Variants in SFMBT1 observed in about 807,000 individuals in gnomAD.
The protein encoded by SFMBT1 is scm-like with four MBT domains protein 1.
SFMBT1 carries 32 observed loss-of-function variants against 108.7 expected under a neutral mutation model. That is an observed-to-expected ratio of 0.29 (90% CI 0.22 to 0.40). The LOEUF (loss-of-function observed/expected upper bound fraction) is 0.40. SFMBT1 is among the 10% of genes least tolerant of loss of function. The pLI is 1.00. For missense variants in SFMBT1, 816 were observed against 1,059.6 expected, an observed-to-expected ratio of 0.77 and a Z score of 3.19; for synonymous variants, 348 against 369.5, an observed-to-expected ratio of 0.94 and a Z score of 0.67.
chr3:52,957,118 C>T (rs545682173), intron 2 of SFMBT1, among the ~76,000 whole-genome samples: 8 of 152,152 alleles, frequency 5.3e-5, no homozygotes, highest in East Asian at 3.9e-4. Flanking sequence ...AAGTAACTTC[C>T]GCAAAAATCT....
chr3:53,044,769 C>T (rs1427104434), intron 1 of SFMBT1, among the ~76,000 whole-genome samples: 1 of 152,214 alleles, frequency 6.6e-6, no homozygotes, highest in Admixed American at 6.5e-5. Flanking sequence ...GACTCAAAAA[C>T]ACCACTTGGG....
At position 52,928,257 on chromosome 3, in the gene SFMBT1, C is replaced by A. The variant is rs562352832; in HGVS notation, c.982G>T (p.Asp328Tyr). ...HARRSFVCHA[D>Y]SPGIFPVQWS... is the part of the protein sequence containing the mutation. ...TGCACAGGGAAGATGCCAGGACTGT[C>A]GGCGTGGCACACAAAGGATCGCCGT... Residue 328 changes from aspartate to tyrosine, a missense_variant, in exon 9 of 21, where the codon GAC becomes TAC. Around this residue, in one of 5 missense-constraint regions of SFMBT1, gnomAD observed 495 missense variants for 607.4 expected, o/e 0.81. Coordinates refer to ENST00000394752, the MANE Select transcript of SFMBT1 (RefSeq NM_016329.4). 2 of 1,614,102 alleles carry A rather than the reference C, an allele frequency of 1.2e-6. No homozygotes were observed. Among genetic ancestry groups the A allele is most frequent in the South Asian group, 1.1e-5 (1 of 91,072 alleles).
chr3:52,988,976 T>A (rs1306593466), intron 1 of SFMBT1, among the ~76,000 whole-genome samples: 1 of 152,152 alleles, frequency 6.6e-6, no homozygotes, highest in Non-Finnish European at 1.5e-5. Context: ...CCCACACCTT[T>A]CAATCTAACA....
intron 2 of SFMBT1, among the ~76,000 whole-genome samples, chr3:52,968,103 C>T (rs1575409217): frequency 6.6e-6 from 1 of 152,118 alleles, no homozygotes; most frequent in Non-Finnish European, 1.5e-5. Context: ...ACTGCTCCTC[C>T]ACAATAAAAA....
intron 1 of SFMBT1, among the ~76,000 whole-genome samples, chr3:53,021,607 A>C (rs535764972): frequency 6.6e-6 from 1 of 152,182 alleles, no homozygotes; most frequent in African/African-American, 2.4e-5. Context: ...CAGTGTCTCC[A>C]TAAGTCTTAT....
At chr3:52,959,811 C>T (rs1703900693) in intron 2 of SFMBT1, among the ~76,000 whole-genome samples, 1 of 152,084 alleles carries the variant, frequency 6.6e-6, no homozygotes, top group Admixed American at 6.6e-5. Flanking sequence ...ATCCAATAAT[C>T]TCACTTCACA....
chr3:53,040,968 ATTTTTTTTTTTTTTTTTTTTTT>A (rs57640588), intron 1 of SFMBT1, among the ~76,000 whole-genome samples: 2 of 46,360 alleles, frequency 4.3e-5, no homozygotes, highest in African/African-American at 8.4e-5. Flanking sequence ...AGACACCTGA[ATTTTTTTTTTTTTTTTTTTTTT>A]TTTTTTTTTT....
rs1014903478 is a variant in SFMBT1, at chr3:53,003,191, T to C, written c.-130-33933A>G. Among the ~76,000 whole-genome samples the C allele has an allele frequency of 7.4e-5, 11 of 148,604 alleles. No homozygotes were observed. The South Asian group carries it at 1.1e-3, about 14-fold the overall frequency. On this transcript the variant is annotated intron_variant, in intron 1 of 20. Coordinates refer to ENST00000394752, the MANE Select transcript of SFMBT1 (RefSeq NM_016329.4). The stretch of plus-strand genomic sequence containing the variant: ...TCCAGGAACAGGGTTATTCTTTTTA[T>C]ATTCCAATTTCAAAAGAAAAACTCT...
rs147146298 is a variant in SFMBT1 at position 52,943,570 on chromosome 3, T to C, written c.147A>G (p.Gly49=). Residue 49 remains glycine (G), a synonymous_variant, in exon 4 of 21, where the codon GGA becomes GGG. Transcript: ENST00000394752. The stretch of plus-strand genomic sequence containing the variant: ...CCTCCAGCTTCATCCCAGGAGCAAA[T>C]CCATTTTGCAAACGTGTGTCCACCT... ...FKHVDTRLQN[G]FAPGMKLEVA... The C allele has an allele frequency of 3.0e-5, 49 of 1,614,240 alleles. No homozygotes were observed. The highest frequency in any genetic ancestry group is 3.9e-5 in the Non-Finnish European group (46 of 1,180,036).
At chr3:52,906,048 G>T in intron 20 of SFMBT1, 65 bp downstream of exon 20, 1 of 1,527,896 alleles carries the variant, frequency 6.5e-7, no homozygotes, top group South Asian at 1.2e-5. Flanking sequence ...ATAAATTGTT[G>T]ACTATTACAT....
At chr3:52,946,717 A>G (rs1232310204) in intron 3 of SFMBT1, among the ~76,000 whole-genome samples, 2 of 152,188 alleles carry the variant, frequency 1.3e-5, no homozygotes, top group Admixed American at 1.3e-4. Context: ...ACTGTTTTCC[A>G]AAGAAGTTGT....
At chr3:52,969,076 TA>T in intron 2 of SFMBT1, 24 bp downstream of exon 2, 1 of 1,613,480 alleles carries the variant, frequency 6.2e-7, no homozygotes, top group African/African-American at 1.3e-5. Context: ...TCCTAGAGAA[TA>T]AATTCTGAGA....
Position 52,969,247 on chromosome 3 carries a change from C to A in SFMBT1, c.-119G>T. 6.5e-7 allele frequency: 1 copy of A among 1,530,588 alleles called. No homozygotes were observed. Among genetic ancestry groups the A allele is most frequent in the South Asian group, 1.3e-5 (1 of 79,954 alleles). 94.8% of individuals were successfully genotyped at this position (1,530,588 alleles called of 1,614,324 possible). A position where few individuals can be genotyped will look rare whatever the true frequency, so the allele number is the denominator to read the frequency against. Reference sequence around the variant, plus strand: ...TCTGTTCAATGGGTATCCACGGGTCCAAATGAAAGTGCTGAAAAATGAAAA... The same window carrying A: ...TCTGTTCAATGGGTATCCACGGGTCAAAATGAAAGTGCTGAAAAATGAAAA... On this transcript the variant is annotated 5_prime_UTR_variant, in exon 2 of 21. An upstream open reading frame in the 5' UTR gains an earlier in-frame stop. Coordinates refer to ENST00000394752, the MANE Select transcript of SFMBT1 (RefSeq NM_016329.4).
At chr3:52,943,672 T>C in intron 3 of SFMBT1, 79 bp from the exon 4 acceptor site, 1 of 1,575,160 alleles carries the variant, frequency 6.3e-7, no homozygotes, top group African/African-American at 1.3e-5. Context: ...TTTTTAAGAC[T>C]TACAATTCCG....
intron 1 of SFMBT1, among the ~76,000 whole-genome samples, chr3:52,981,846 C>A (rs984018298): frequency 1.3e-5 from 2 of 152,142 alleles, no homozygotes; most frequent in African/African-American, 4.8e-5. Flanking sequence ...GGACAGCCCG[C>A]TAACCCCCAC....
At chr3:53,009,680 T>C (rs1052898811) in intron 1 of SFMBT1, among the ~76,000 whole-genome samples, 6 of 152,202 alleles carry the variant, frequency 3.9e-5, no homozygotes, top group African/African-American at 1.4e-4. Context: ...AATCTGCATG[T>C]AACTTCTGAC....
chr3:52,936,890 TTTC>T (rs1284582404), intron 4 of SFMBT1, among the ~76,000 whole-genome samples: 3 of 94,950 alleles, frequency 3.2e-5, no homozygotes, highest in South Asian at 3.2e-4. Flanking sequence ...CAATTACACA[TTTC>T]TTTTTTTTTT....
At chr3:53,015,734 C>G (rs955508202) in intron 1 of SFMBT1, among the ~76,000 whole-genome samples, 1 of 152,138 alleles carries the variant, frequency 6.6e-6, no homozygotes, top group African/African-American at 2.4e-5. Context: ...ATAGGCAAAT[C>G]TAGAGAGACA....
intron 3 of SFMBT1, among the ~76,000 whole-genome samples, chr3:52,952,724 C>G (rs1219469694): frequency 6.6e-6 from 1 of 152,080 alleles, no homozygotes; most frequent in Non-Finnish European, 1.5e-5. Flanking sequence ...GGTGCTAATC[C>G]CATTCATGAG....
Sources: allele counts gnomAD v4.1 joint callset (sites outside exome capture counted in the v4.1 genomes callset), GRCh38; gene constraint gnomAD v4.1.1; regional missense constraint gnomAD v4.1.1; transcripts MANE v1.5; gene names NCBI Gene and HGNC (gene_info 2026-07-23, HGNC 2026-07-21).